The following NAV2 variants were observed in gnomAD, a reference collection of about 807,000 sequenced individuals.
The protein encoded by NAV2 is helicase, APC down-regulated 1.
A neutral mutation model predicts 223.2 loss-of-function variants in NAV2; 54 were observed. That is an observed-to-expected ratio of 0.24 (90% CI 0.19 to 0.30). NAV2 has a LOEUF of 0.30. NAV2 is among the 10% of genes least tolerant of loss of function. The pLI is 1.00. For missense variants in NAV2, 2,806 were observed against 3,147.5 expected (o/e 0.89, Z 2.60); for synonymous variants, 1,279 against 1,239.3 (o/e 1.03, Z -0.67).
intron 1 of NAV2, among the ~76,000 whole-genome samples, chr11:19,595,934 T>C (rs1483224507): frequency 6.6e-6 from 1 of 152,118 alleles, no homozygotes; most frequent in Non-Finnish European, 1.5e-5. Context: ...ACAATTCCGC[T>C]CCCAAACACA....
chr11:19,601,058 C>G (rs559271986), intron 1 of NAV2, among the ~76,000 whole-genome samples: 1 of 152,328 alleles, frequency 6.6e-6, no homozygotes, highest in South Asian at 2.1e-4. Flanking sequence ...GAGCTTCAGC[C>G]TGGTCTTTGA....
chr11:19,378,724 T>C (rs1410506474), intron 1 of NAV2, among the ~76,000 whole-genome samples: 6 of 152,144 alleles, frequency 3.9e-5, no homozygotes, highest in Non-Finnish European at 7.3e-5. Flanking sequence ...TGGCGCCTTC[T>C]TTGATTGTCT....
At chr11:20,077,375 A>G (rs908782697) in intron 22 of NAV2, among the ~76,000 whole-genome samples, 177 bp from the exon 23 acceptor site, 3 of 152,088 alleles carry the variant, frequency 2.0e-5, no homozygotes, top group African/African-American at 7.2e-5. Context: ...TGTTTGAGCA[A>G]GTAGAAGACT....
intron 1 of NAV2, among the ~76,000 whole-genome samples, chr11:19,792,406 C>T (rs2057585567): frequency 6.6e-6 from 1 of 152,268 alleles, no homozygotes. Flanking sequence ...CCAAGCCTGA[C>T]ACCCTGGTCT....
chr11:20,010,810 G>A (rs1466762361), intron 11 of NAV2, among the ~76,000 whole-genome samples: 1 of 152,134 alleles, frequency 6.6e-6, no homozygotes, highest in Non-Finnish European at 1.5e-5. Context: ...AATACCTGGG[G>A]ATCTTTTTCC....
chr11:19,708,987 C>T (rs2049767031), upstream of NAV2, among the ~76,000 whole-genome samples: 1 of 151,784 alleles, frequency 6.6e-6, no homozygotes, highest in Non-Finnish European at 1.5e-5. Context: ...ATTCTCCAAA[C>T]CAGTGACTTG....
chr11:19,499,623 C>T (rs755902872), intron 1 of NAV2, among the ~76,000 whole-genome samples: 19 of 152,184 alleles, frequency 1.2e-4, no homozygotes, highest in Admixed American at 8.5e-4. Flanking sequence ...CTTAACCTTG[C>T]TCAGCCTTGG....
At chr11:19,621,590 T>A (rs1223032966) in intron 1 of NAV2, among the ~76,000 whole-genome samples, 1 of 152,210 alleles carries the variant, frequency 6.6e-6, no homozygotes. Flanking sequence ...TTCTGTGGGA[T>A]CGGTGGTGAT....
chr11:19,733,284 G>A (rs1458236555), intron 1 of NAV2, among the ~76,000 whole-genome samples: 4 of 152,236 alleles, frequency 2.6e-5, no homozygotes, highest in Non-Finnish European at 4.4e-5. Flanking sequence ...ATCACTCTGT[G>A]TTTATGTCTT....
Position 20,002,796 on chromosome 11 carries a change from G to A in NAV2, c.2768+18549G>A, listed in dbSNP as rs543404096. Among the ~76,000 whole-genome samples the A allele has an allele frequency of 4.6e-5, 7 of 152,210 alleles. No homozygotes were observed. In the East Asian group the frequency reaches 1.4e-3, roughly 29 times the overall value. On this transcript the variant is annotated intron_variant, in intron 11 of 37. Coordinates refer to ENST00000349880, the MANE Select transcript of NAV2 (RefSeq NM_145117.5). ...CCCTTCAGAAGTAACCTACCCCAGC[G>A]CCCCTGGAACTGTCTGTGTCAGGGG...
chr11:20,043,783 A>T (rs1171677895), intron 12 of NAV2, 198 bp from the exon 13 acceptor site: 1 of 562,560 alleles, frequency 1.8e-6, no homozygotes, highest in South Asian at 2.5e-5. Flanking sequence ...GATATTATTT[A>T]CTTTTTTATT....
intron 1 of NAV2, among the ~76,000 whole-genome samples, chr11:19,594,030 T>C (rs747477167): frequency 1.3e-4 from 20 of 152,090 alleles, no homozygotes; most frequent in Admixed American, 2.0e-4. Flanking sequence ...CCCAATTTAA[T>C]AGATGAGGAA....
chr11:20,048,165 C>T (rs1260199096), intron 14 of NAV2, among the ~76,000 whole-genome samples: 1 of 152,196 alleles, frequency 6.6e-6, no homozygotes, highest in Non-Finnish European at 1.5e-5. Context: ...TCAAAAGATA[C>T]ATCTTTCCAG....
intron 6 of NAV2, among the ~76,000 whole-genome samples, chr11:19,915,962 T>A (rs145834986): frequency 2.9e-3 from 438 of 152,356 alleles, no homozygotes; most frequent in African/African-American, 1.0e-2. Context: ...ATACCTGTCA[T>A]CTGACATTGG....
chr11:20,098,185 G>A (rs2061405879), intron 31 of NAV2, among the ~76,000 whole-genome samples: 1 of 152,112 alleles, frequency 6.6e-6, no homozygotes, highest in Non-Finnish European at 1.5e-5. Flanking sequence ...TGCTGCTAGA[G>A]CTTCCAGTTT....
At chr11:19,661,351 C>A (rs1385395703) in intron 1 of NAV2, among the ~76,000 whole-genome samples, 1 of 152,116 alleles carries the variant, frequency 6.6e-6, no homozygotes, top group African/African-American at 2.4e-5. Flanking sequence ...TTCATTCTTC[C>A]ATGGATACTT....
At chr11:19,914,368 C>T (rs2043594115) in intron 6 of NAV2, among the ~76,000 whole-genome samples, 2 of 152,068 alleles carry the variant, frequency 1.3e-5, no homozygotes, top group African/African-American at 4.8e-5. Context: ...GGTCATGTAT[C>T]TTCATTCTCT....
chr11:19,691,653 C>G (rs555432787), intron 1 of NAV2, among the ~76,000 whole-genome samples: 2 of 152,086 alleles, frequency 1.3e-5, no homozygotes, highest in Non-Finnish European at 2.9e-5. Flanking sequence ...CTGCAAGCTC[C>G]GCCTCTCAGG....
chr11:19,649,198 G>A (rs1032374079), intron 1 of NAV2, among the ~76,000 whole-genome samples: 22 of 152,196 alleles, frequency 1.4e-4, no homozygotes, highest in Admixed American at 1.2e-3. Context: ...ATTCTCTAGA[G>A]TAAGACTGCT....
Sources: gnomAD v4.1 joint callset for allele counts (sites outside exome capture counted in the v4.1 genomes callset) on GRCh38, gnomAD v4.1.1 for gene constraint, MANE v1.5 for transcripts, NCBI Gene and HGNC (gene_info 2026-07-23, HGNC 2026-07-21) for gene names.